COL24A1: variants seen among roughly 807,000 people sequenced by gnomAD.
COL24A1 encodes the protein collagen alpha-1(XXIV) chain.
COL24A1 carries 224 observed loss-of-function variants against 253.9 expected under a neutral mutation model. That is an observed-to-expected ratio of 0.88 (90% CI 0.79 to 0.99). The LOEUF (loss-of-function observed/expected upper bound fraction) is 0.99, where lower values mean the gene tolerates loss of function less well. COL24A1 is among the 50% of genes least tolerant of loss of function. The pLI is 0.00. For synonymous variants in COL24A1, 685 were observed against 673.7 expected (o/e 1.02, Z -0.26); for missense variants, 2,131 against 2,068.5 (o/e 1.03, Z -0.59).
At chr1:85,870,524 G>A (rs1014309989) in intron 35 of COL24A1, among the ~76,000 whole-genome samples, 2 of 152,158 alleles carry the variant, frequency 1.3e-5, no homozygotes, top group Non-Finnish European at 2.9e-5. Flanking sequence ...AATCAAACTA[G>A]AACTCAGGAT....
chr1:85,764,088 C>T (rs1036527396), intron 53 of COL24A1, among the ~76,000 whole-genome samples: 2 of 151,852 alleles, frequency 1.3e-5, no homozygotes, highest in African/African-American at 4.8e-5. Flanking sequence ...CTTGATTTAG[C>T]TTCATGATCT....
At chr1:86,059,089 CAA>C (rs759431468) in intron 9 of COL24A1, 30 bp downstream of exon 9, 1 of 1,511,536 alleles carries the variant, frequency 6.6e-7, no homozygotes, top group South Asian at 1.2e-5. Flanking sequence ...AATAGGAACA[CAA>C]AGAGAAAAGT....
At chr1:86,152,924 GAA>G (rs1160512134) in intron 1 of COL24A1, among the ~76,000 whole-genome samples, 5 of 152,030 alleles carry the variant, frequency 3.3e-5, no homozygotes, top group African/African-American at 9.7e-5. Flanking sequence ...CCAAAATCAA[GAA>G]AAGTCAAGTC....
intron 47 of COL24A1, among the ~76,000 whole-genome samples, chr1:85,802,522 C>T (rs1671539372): frequency 6.6e-6 from 1 of 152,140 alleles, no homozygotes; most frequent in South Asian, 2.1e-4. Context: ...CTCCTCCCCA[C>T]TCATATAATA....
At chr1:86,134,003 A>G (rs1220049339) in intron 2 of COL24A1, among the ~76,000 whole-genome samples, 3 of 151,700 alleles carry the variant, frequency 2.0e-5, no homozygotes, top group African/African-American at 7.3e-5. Flanking sequence ...TTGCTAACCT[A>G]TTAATTATTG....
At chr1:86,023,612 GAA>G (rs1571638540) in intron 14 of COL24A1, among the ~76,000 whole-genome samples, 1 of 151,732 alleles carries the variant, frequency 6.6e-6, no homozygotes, top group East Asian at 1.9e-4. Flanking sequence ...CACTGTTGAA[GAA>G]AAAAAGAGAA....
intron 35 of COL24A1, 115 bp downstream of exon 35, chr1:85,874,534 C>A: frequency 1.1e-6 from 1 of 877,330 alleles, no homozygotes; most frequent in Non-Finnish European, 1.7e-6. Flanking sequence ...CAAACATTTT[C>A]TATAATGTAT....
chr1:86,050,598 C>T (rs1449312435), intron 10 of COL24A1, among the ~76,000 whole-genome samples: 2 of 152,024 alleles, frequency 1.3e-5, no homozygotes, highest in Non-Finnish European at 2.9e-5. Context: ...AAGGAGATTA[C>T]CACTTGAGAT....
At chr1:85,732,043 G>A (rs994978323) in intron 59 of COL24A1, among the ~76,000 whole-genome samples, 3 of 152,022 alleles carry the variant, frequency 2.0e-5, no homozygotes, top group African/African-American at 7.2e-5. Flanking sequence ...TTAAATTCAC[G>A]GATTTGACCT....
intron 38 of COL24A1, 66 bp downstream of exon 38, chr1:85,849,287 G>T: frequency 8.7e-7 from 1 of 1,150,344 alleles, no homozygotes; most frequent in South Asian, 1.4e-5. Flanking sequence ...AAACATTACA[G>T]CAGTCTATGG....
intron 1 of COL24A1, among the ~76,000 whole-genome samples, chr1:86,148,456 G>A (rs542629979): frequency 3.9e-5 from 6 of 151,924 alleles, no homozygotes; most frequent in Non-Finnish European, 5.9e-5. Context: ...CCACTAACTC[G>A]TCATCTAGCA....
At chr1:86,129,633 T>C (rs914750093) in intron 2 of COL24A1, among the ~76,000 whole-genome samples, 2 of 151,842 alleles carry the variant, frequency 1.3e-5, no homozygotes, top group Non-Finnish European at 2.9e-5. Context: ...AGTATTTTTA[T>C]TTGTATTTTC....
At chr1:86,153,726 T>A (rs1653094267) in intron 1 of COL24A1, among the ~76,000 whole-genome samples, 1 of 152,222 alleles carries the variant, frequency 6.6e-6, no homozygotes, top group South Asian at 2.1e-4. Context: ...ACTAAGCAAC[T>A]TTAAAAAATA....
At chr1:86,104,660 C>CAACT (rs1704779762) in intron 5 of COL24A1, among the ~76,000 whole-genome samples, 1 of 152,214 alleles carries the variant, frequency 6.6e-6, no homozygotes, top group South Asian at 2.1e-4. Context: ...GCTCAACTCA[C>CAACT]AACTCCTGGA....
At chr1:86,156,167 C>T in intron 1 of COL24A1, 174 bp downstream of exon 1, 2 of 582,612 alleles carry the variant, frequency 3.4e-6, no homozygotes, top group East Asian at 2.9e-5. Flanking sequence ...CTTTCAAACA[C>T]GGTATTTTGC....
At chr1:85,968,619 A>G (rs998507700) in intron 22 of COL24A1, among the ~76,000 whole-genome samples, 4 of 152,290 alleles carry the variant, frequency 2.6e-5, no homozygotes, top group South Asian at 4.1e-4. Flanking sequence ...ATAGTTAAGA[A>G]CCTGAATTAT....
At chr1:85,780,825 T>A (rs1669065650) in intron 52 of COL24A1, among the ~76,000 whole-genome samples, 1 of 152,200 alleles carries the variant, frequency 6.6e-6, no homozygotes, top group Non-Finnish European at 1.5e-5. Flanking sequence ...CTTGCTATTC[T>A]CTCGAACGAT....
chr1:85,754,975 G>C (rs1666069142), intron 55 of COL24A1, among the ~76,000 whole-genome samples: 1 of 152,106 alleles, frequency 6.6e-6, no homozygotes, highest in Admixed American at 6.5e-5. Context: ...ACACATCCGA[G>C]AAGTTCCACA....
At chr1:85,831,026 T>C (rs1019893062) in intron 43 of COL24A1, among the ~76,000 whole-genome samples, 100 of 152,228 alleles carry the variant, frequency 6.6e-4, no homozygotes, top group African/African-American at 2.3e-3. Context: ...CGGTTTAAGT[T>C]TCAACTTCCC....
Sources: gnomAD v4.1 joint callset for allele counts (sites outside exome capture counted in the v4.1 genomes callset) on GRCh38, gnomAD v4.1.1 for gene constraint, MANE v1.5 for transcripts, NCBI Gene and HGNC (gene_info 2026-07-23, HGNC 2026-07-21) for gene names.